TANGO2: variants seen among roughly 807,000 people sequenced by gnomAD.
TANGO2 encodes transport and Golgi organization protein 2 homolog.
In TANGO2, 26 loss-of-function variants were observed where a neutral mutation model predicts 39.1. The observed-to-expected ratio is 0.67, with a 90% CI of 0.49 to 0.92. The LOEUF (loss-of-function observed/expected upper bound fraction) is 0.92, where lower values mean the gene tolerates loss of function less well. Ranked by LOEUF, TANGO2 falls within the 40% of genes least tolerant of loss-of-function variation. TANGO2 has a pLI of 0.00. For synonymous variants in TANGO2, 131 were observed against 144.5 expected, an observed-to-expected ratio of 0.91 and a Z score of 0.67; for missense variants, 326 against 360.1, an observed-to-expected ratio of 0.91 and a Z score of 0.77.
chr22:20,063,347 A>G lies in TANGO2; in HGVS notation c.615A>G (p.Pro205=). 6.2e-7 allele frequency: 1 copy of G among 1,613,256 alleles called. No individual in the cohort carries two copies. Among genetic ancestry groups the G allele is most frequent in the Non-Finnish European group, 8.5e-7 (1 of 1,179,802 alleles). ...DVLNNEEAQL[P]DPAIEDQGGE... is the part of the protein sequence containing the mutation. Reference sequence around the variant, plus strand: ...TCTCTCCATCCTGCAGGCAGCTGCCAGACCCGGCCATCGAGGACCAGGGTG... The same window carrying G: ...TCTCTCCATCCTGCAGGCAGCTGCCGGACCCGGCCATCGAGGACCAGGGTG... Residue 205 remains proline (P), a synonymous_variant, in exon 8 of 9, where the codon CCA becomes CCG. Coordinates refer to ENST00000327374, the MANE Select transcript of TANGO2 (RefSeq NM_152906.7).
chr22:20,034,415 G>T (rs6518598), intron 1 of TANGO2, among the ~76,000 whole-genome samples: 46,352 of 152,058 alleles, frequency 0.3, 7,664 homozygotes, highest in Non-Finnish European at 0.38. Flanking sequence ...TACTGCTTCT[G>T]GTCTTTGAAA....
intron 1 of TANGO2, among the ~76,000 whole-genome samples, chr22:20,035,603 C>A (rs1441773642): frequency 6.6e-6 from 1 of 152,210 alleles, no homozygotes; most frequent in African/African-American, 2.4e-5. Flanking sequence ...TGCAGTCACC[C>A]AGCGTGTCCC....
At chr22:20,059,763 T>A (rs1437606387) in intron 6 of TANGO2, among the ~76,000 whole-genome samples, 2 of 152,226 alleles carry the variant, frequency 1.3e-5, no homozygotes, top group African/African-American at 2.4e-5. Flanking sequence ...ACAAGTCTCT[T>A]ATTTAAAGCA....
At chr22:20,018,878 G>A (rs1350213126), upstream of TANGO2, among the ~76,000 whole-genome samples, 1 of 152,062 alleles carries the variant, frequency 6.6e-6, no homozygotes, top group Non-Finnish European at 1.5e-5. Flanking sequence ...TCAGGAGTTC[G>A]AGACCAGCCT....
At chr22:20,040,037 T>G (rs1325049217) in intron 2 of TANGO2, among the ~76,000 whole-genome samples, 1 of 152,144 alleles carries the variant, frequency 6.6e-6, no homozygotes, top group Non-Finnish European at 1.5e-5. Context: ...TCTCTGGACG[T>G]GGGGCGCAGA....
intron 1 of TANGO2, among the ~76,000 whole-genome samples, chr22:20,022,050 C>G (rs2039800418): frequency 6.6e-6 from 1 of 152,250 alleles, no homozygotes; most frequent in Non-Finnish European, 1.5e-5. Flanking sequence ...ACAGTGCCCT[C>G]TTCCATGAGG....
chr22:20,048,647 T>G (rs1481856573), intron 3 of TANGO2, among the ~76,000 whole-genome samples: 2 of 145,920 alleles, frequency 1.4e-5, no homozygotes, highest in Admixed American at 6.7e-5. Context: ...TGAGCAGAAT[T>G]TTTTTTTTTT....
chr22:20,041,237 C>G (rs941807283), intron 2 of TANGO2, among the ~76,000 whole-genome samples: 1 of 152,244 alleles, frequency 6.6e-6, no homozygotes, highest in Non-Finnish European at 1.5e-5. Context: ...ACCTCCGCCT[C>G]CCGGGTTCAA....
At chr22:20,055,740 C>T (rs1044753262) in intron 5 of TANGO2, 13 of 613,674 alleles carry the variant, frequency 2.1e-5, no homozygotes, top group Non-Finnish European at 3.8e-5. Flanking sequence ...GGAACATACC[C>T]GTGATGCTGG....
chr22:20,052,373 G>A (rs948389415), intron 3 of TANGO2, 92 bp from the exon 4 acceptor site: 15 of 1,520,692 alleles, frequency 9.9e-6, no homozygotes, highest in Non-Finnish European at 1.3e-5. Context: ...TGAGGCAGGA[G>A]CTGGGCCGAG....
At chr22:20,036,938 C>G in intron 2 of TANGO2, 84 bp downstream of exon 2, 1 of 1,613,776 alleles carries the variant, frequency 6.2e-7, no homozygotes, top group South Asian at 1.1e-5. Flanking sequence ...CTGCTGTGTG[C>G]AGGAAGGTGT....
rs1411668504 is a variant in TANGO2 at position 20,064,721 on chromosome 22, G to A, written c.*59G>A. The A allele has an allele frequency of 1.9e-6, 3 of 1,599,308 alleles. No homozygotes were observed. Among genetic ancestry groups the A allele is most frequent in the Non-Finnish European group, 2.6e-6 (3 of 1,172,990 alleles). ...GGGGCCCTGCCTTGAGGGGCACTGT[G>A]GACAGGAAACCTTCCTTTGCCATAC... On this transcript the variant is annotated 3_prime_UTR_variant, in exon 9 of 9. Transcript: ENST00000327374.
chr22:20,054,202 A>C, intron 5 of TANGO2: 1 of 211,982 alleles, frequency 4.7e-6, no homozygotes, highest in Non-Finnish European at 9.7e-6. Context: ...TGTGTGTGGC[A>C]TGCCCAGCCC....
At chr22:20,021,988 A>G (rs2039784708) in intron 1 of TANGO2, among the ~76,000 whole-genome samples, 1 of 152,138 alleles carries the variant, frequency 6.6e-6, no homozygotes, top group South Asian at 2.1e-4. Context: ...GCCTGTTTGC[A>G]CTGTCGTGTG....
rs373033073 is a variant in TANGO2 at position 20,065,934 on chromosome 22, G to C, written c.*1272G>C. 1 of 152,298 alleles carries C rather than the reference G, an allele frequency of 6.6e-6. No individual in the cohort carries two copies. Among genetic ancestry groups the C allele is most frequent in the African/African-American group, 2.4e-5 (1 of 41,448 alleles). 9.4% of individuals were successfully genotyped at this position (152,298 alleles called of 1,614,324 possible). ...GAGGCTTTGGTGAGCGCATTTCGAG[G>C]CCTTTCCCTTGTATGCAGGGTGCCA... On this transcript the variant is annotated 3_prime_UTR_variant, in exon 9 of 9. Transcript: ENST00000327374.
Position 20,057,913 on chromosome 22 carries a change from C to A in TANGO2, c.451+1900C>A, listed in dbSNP as rs1011247906. On this transcript the variant is annotated intron_variant, in intron 6 of 8. Coordinates refer to ENST00000327374, the MANE Select transcript of TANGO2 (RefSeq NM_152906.7). This position sits in a 1 kb window ranked among gnomAD's most constrained non-coding sequence, Gnocchi z 4.1. ...ACGTGGCATCCTCGGTTCTCAGAGGCTGAGACCTCCGTGGCTGGAGATGCT... is the reference window on the plus strand; with the variant it reads ...ACGTGGCATCCTCGGTTCTCAGAGGATGAGACCTCCGTGGCTGGAGATGCT... 1 of 152,232 alleles carries A rather than the reference C, an allele frequency of 6.6e-6. No individual in the cohort carries two copies. The highest frequency in any genetic ancestry group is 1.5e-5 in the Non-Finnish European group (1 of 68,050). The allele number at this position is 152,232 out of a possible 1,614,324, so 9.4% of individuals were successfully genotyped here.
chr22:20,020,347 C>T (rs981806311), upstream of TANGO2, among the ~76,000 whole-genome samples: 5 of 152,168 alleles, frequency 3.3e-5, no homozygotes, highest in Admixed American at 3.3e-4. Flanking sequence ...CACATAGGCC[C>T]AGGCACAGCC....
chr22:20,029,353 G>A (rs1477846468), intron 1 of TANGO2, among the ~76,000 whole-genome samples: 1 of 152,188 alleles, frequency 6.6e-6, no homozygotes, highest in African/African-American at 2.4e-5. Context: ...TGGGCCCAGA[G>A]TGCCTGGAAA....
intron 1 of TANGO2, among the ~76,000 whole-genome samples, chr22:20,036,435 C>T (rs2042862407): frequency 6.6e-6 from 1 of 152,206 alleles, no homozygotes; most frequent in Non-Finnish European, 1.5e-5. Context: ...CTCCTGCCCT[C>T]ACTTCTGCTG....
Sources: gnomAD v4.1 joint callset for allele counts (sites outside exome capture counted in the v4.1 genomes callset) on GRCh38, gnomAD v4.1.1 for gene constraint, Gnocchi (gnomAD v3.1) non-coding constraint, MANE v1.5 for transcripts, NCBI Gene and HGNC (gene_info 2026-07-23, HGNC 2026-07-21) for gene names.